The following IDE variants were observed in gnomAD, a reference collection of about 807,000 sequenced individuals.
IDE encodes the protein insulin-degrading enzyme.
A neutral mutation model predicts 133.2 loss-of-function variants in IDE; 58 were observed. That is an observed-to-expected ratio of 0.44 (90% CI 0.35 to 0.54). The LOEUF (loss-of-function observed/expected upper bound fraction) is 0.54, where lower values mean the gene tolerates loss of function less well. Among genes scored for constraint, IDE ranks in the 20% least tolerant of loss-of-function variants. The pLI is 0.00. For missense variants in IDE, 981 were observed against 1,234.0 expected (o/e 0.79, Z 3.07); for synonymous variants, 396 against 421.3 (o/e 0.94, Z 0.73).
chr10:92,471,754 A>T (rs972071946), intron 17 of IDE, among the ~76,000 whole-genome samples: 1 of 152,166 alleles, frequency 6.6e-6, no homozygotes, highest in Non-Finnish European at 1.5e-5. Flanking sequence ...TTGCTCTGTC[A>T]CCCAGGCTGA....
chr10:92,568,900 G>A (rs1181592160), intron 1 of IDE, among the ~76,000 whole-genome samples: 3 of 152,050 alleles, frequency 2.0e-5, no homozygotes, highest in East Asian at 1.9e-4. Flanking sequence ...GCACAGACAG[G>A]TTCAAAGTTG....
intron 1 of IDE, among the ~76,000 whole-genome samples, chr10:92,553,832 A>G (rs1842897411): frequency 6.6e-6 from 1 of 152,218 alleles, no homozygotes. Context: ...GATTGAAGCC[A>G]TAATAAAAAG....
rs1252419364 is a variant in IDE, at chr10:92,453,260, A to G, written c.*1184T>C. On this transcript the variant is annotated 3_prime_UTR_variant, in exon 25 of 25. Transcript: ENST00000265986. ...AACAGCTGTTAAATCTACAGTAACAATTTCACCTAAAATAGTATCTCATGA... is the reference window on the plus strand; with the variant it reads ...AACAGCTGTTAAATCTACAGTAACAGTTTCACCTAAAATAGTATCTCATGA... 1.3e-5 allele frequency: 2 copies of G among 152,188 alleles called. No homozygotes were observed. The highest frequency in any genetic ancestry group is 4.8e-5 in the African/African-American group (2 of 41,448). 9.4% of individuals were successfully genotyped at this position (152,188 alleles called of 1,614,324 possible). A position where few individuals can be genotyped will look rare whatever the true frequency, so the allele number is the denominator to read the frequency against.
At chr10:92,460,038 T>C (rs1190455482) in intron 22 of IDE, among the ~76,000 whole-genome samples, 2 of 151,910 alleles carry the variant, frequency 1.3e-5, no homozygotes, top group Non-Finnish European at 2.9e-5. Flanking sequence ...AGGGTTTCAC[T>C]ATGTTGGCCA....
intron 1 of IDE, among the ~76,000 whole-genome samples, chr10:92,554,314 G>A (rs1842915249): frequency 6.6e-6 from 1 of 152,164 alleles, no homozygotes; most frequent in Non-Finnish European, 1.5e-5. Flanking sequence ...AGCATTTTGG[G>A]AGGCTGGGGT....
intron 19 of IDE, among the ~76,000 whole-genome samples, chr10:92,466,104 A>G (rs1391950803): frequency 6.6e-6 from 1 of 151,842 alleles, no homozygotes; most frequent in Non-Finnish European, 1.5e-5. Context: ...CATGGCTCAC[A>G]TTTATAGTCC....
At chr10:92,525,752 G>GAAAAAAAAA in intron 4 of IDE, among the ~76,000 whole-genome samples, 1 of 116,416 alleles carries the variant, frequency 8.6e-6, no homozygotes, top group Non-Finnish European at 1.8e-5. Flanking sequence ...TGAACAATCT[G>GAAAAAAAAA]AAAAAAAAAA....
chr10:92,501,312 A>G (rs532659510), intron 11 of IDE, among the ~76,000 whole-genome samples: 1 of 145,410 alleles, frequency 6.9e-6, no homozygotes, highest in Non-Finnish European at 1.5e-5. Context: ...CAGTGAGCCA[A>G]GATGACACTA....
chr10:92,477,102 A>G (rs1412241448), intron 15 of IDE, among the ~76,000 whole-genome samples: 1 of 152,128 alleles, frequency 6.6e-6, no homozygotes, highest in Admixed American at 6.5e-5. Context: ...CTAATGGCAA[A>G]ACAAATGTGT....
chr10:92,466,403 G>T (rs11187013), intron 19 of IDE, among the ~76,000 whole-genome samples: 1 of 147,968 alleles, frequency 6.8e-6, no homozygotes, highest in African/African-American at 2.5e-5. Flanking sequence ...TGCAACCTCC[G>T]CCTACTGGGT....
chr10:92,500,908 G>A (rs1206557152), intron 11 of IDE, among the ~76,000 whole-genome samples: 1 of 151,954 alleles, frequency 6.6e-6, no homozygotes, highest in East Asian at 1.9e-4. Context: ...GGGCGTGGTG[G>A]CATACACCTG....
chr10:92,496,813 A>G (rs909481274), intron 11 of IDE, among the ~76,000 whole-genome samples: 1 of 152,276 alleles, frequency 6.6e-6, no homozygotes, highest in African/African-American at 2.4e-5. Context: ...AAAAGGAGAA[A>G]TCACATCTCC....
chr10:92,553,272 A>T lies in IDE; in HGVS notation c.99-15722T>A, dbSNP rs148374611. Among the ~76,000 whole-genome samples, 380 of 152,052 alleles carry T rather than the reference A, an allele frequency of 2.5e-3. 1 individual carries two copies. Among genetic ancestry groups the T allele is most frequent in the Non-Finnish European group, 4.5e-3 (305 of 67,978 alleles). On this transcript the variant is annotated intron_variant, in intron 1 of 24. Coordinates refer to ENST00000265986, the MANE Select transcript of IDE (RefSeq NM_004969.4). The stretch of plus-strand genomic sequence containing the variant: ...AATCCTGTCTCTATTAAAAATACAA[A>T]AATTAGCCAGGTGTGGTGGCACACG...
At chr10:92,551,882 C>A (rs771255744) in intron 1 of IDE, among the ~76,000 whole-genome samples, 2 of 152,052 alleles carry the variant, frequency 1.3e-5, no homozygotes, top group South Asian at 4.1e-4. Context: ...ATGCTTGTTA[C>A]CCCAGTACTT....
At chr10:92,573,728 G>A (rs1433022559) in intron 1 of IDE, among the ~76,000 whole-genome samples, 194 bp downstream of exon 1, 1 of 152,226 alleles carries the variant, frequency 6.6e-6, no homozygotes, top group African/African-American at 2.4e-5. Flanking sequence ...CAGGCCTCTG[G>A]CTCCCGCCTG....
intron 16 of IDE, 122 bp downstream of exon 16, chr10:92,475,762 A>T: frequency 1.9e-6 from 1 of 525,572 alleles, no homozygotes. Flanking sequence ...GATGAATGCC[A>T]CAGGGTTATG....
chr10:92,504,401 G>A (rs867059980), intron 11 of IDE, among the ~76,000 whole-genome samples: 10 of 152,084 alleles, frequency 6.6e-5, no homozygotes, highest in Non-Finnish European at 5.9e-5. Context: ...AGAAAAAGAG[G>A]GTGCCTTCAT....
At chr10:92,493,030 A>G (rs1196672902) in intron 11 of IDE, among the ~76,000 whole-genome samples, 1 of 152,222 alleles carries the variant, frequency 6.6e-6, no homozygotes, top group African/African-American at 2.4e-5. Context: ...AAAACATGCT[A>G]AATAAGAAAT....
intron 1 of IDE, among the ~76,000 whole-genome samples, chr10:92,554,109 C>T (rs1242286136): frequency 5.3e-5 from 8 of 152,152 alleles, no homozygotes; most frequent in Admixed American, 1.3e-4. Flanking sequence ...TTCAACAGCA[C>T]GTTAAAAGGA....
Sources: allele counts gnomAD v4.1 joint callset (sites outside exome capture counted in the v4.1 genomes callset), GRCh38; gene constraint gnomAD v4.1.1; transcripts MANE v1.5; gene names NCBI Gene and HGNC (gene_info 2026-07-23, HGNC 2026-07-21).